LDB2: variants seen among roughly 807,000 people sequenced by gnomAD.
LDB2 encodes the protein LIM domain-binding protein 2.
In LDB2, 12 loss-of-function variants were observed where a neutral mutation model predicts 44.3. The ratio of observed to expected loss-of-function variants is 0.27; its 90% CI spans 0.17 to 0.44. The LOEUF (loss-of-function observed/expected upper bound fraction) is 0.44, where lower values mean the gene tolerates loss of function less well. LDB2 is among the 20% of genes least tolerant of loss of function. The pLI, the probability that LDB2 is intolerant of heterozygous loss-of-function variation, is 1.00. For synonymous variants in LDB2, 164 were observed against 174.8 expected (o/e 0.94, Z 0.49); for missense variants, 344 against 473.5 (o/e 0.73, Z 2.54).
chr4:16,529,575 A>G (rs568168039), intron 5 of LDB2, among the ~76,000 whole-genome samples: 28 of 152,010 alleles, frequency 1.8e-4, no homozygotes, highest in African/African-American at 6.5e-4. Flanking sequence ...TTTGAGAGGG[A>G]TCAGAGATTG....
At chr4:16,686,886 G>C (rs981566601) in intron 2 of LDB2, among the ~76,000 whole-genome samples, 1 of 152,006 alleles carries the variant, frequency 6.6e-6, no homozygotes, top group African/African-American at 2.4e-5. Flanking sequence ...GGTGGGGTTG[G>C]GGGGATCCTT....
chr4:16,746,573 T>C (rs960310315), intron 2 of LDB2, among the ~76,000 whole-genome samples: 6 of 152,082 alleles, frequency 3.9e-5, no homozygotes, highest in Admixed American at 2.0e-4. Flanking sequence ...ACTCACTGGA[T>C]GTCAGGAGTT....
chr4:16,781,562 A>G (rs1479153049), intron 1 of LDB2, among the ~76,000 whole-genome samples: 1 of 151,950 alleles, frequency 6.6e-6, no homozygotes, highest in East Asian at 1.9e-4. Context: ...TATGTGGGTC[A>G]CTCCTCATAC....
chr4:16,614,874 T>C (rs926865071), intron 2 of LDB2, among the ~76,000 whole-genome samples: 1 of 150,276 alleles, frequency 6.7e-6, no homozygotes. Flanking sequence ...ATCGAGACCA[T>C]CCCGGCTAAA....
chr4:16,726,790 AG>A (rs1414501794), intron 2 of LDB2, among the ~76,000 whole-genome samples: 1 of 152,224 alleles, frequency 6.6e-6, no homozygotes, highest in African/African-American at 2.4e-5. Context: ...TTAGAATTAA[AG>A]CTCAGAAAGA....
chr4:16,504,977 C>A (rs1267652920), intron 7 of LDB2, among the ~76,000 whole-genome samples: 1 of 152,032 alleles, frequency 6.6e-6, no homozygotes, highest in East Asian at 1.9e-4. Flanking sequence ...GCATTAGTAT[C>A]GTGACTCCAA....
chr4:16,690,459 C>CAGCA (rs1750359121), intron 2 of LDB2, among the ~76,000 whole-genome samples: 1 of 50,274 alleles, frequency 2.0e-5, no homozygotes, highest in Non-Finnish European at 3.6e-5. Flanking sequence ...GAAGACCCTG[C>CAGCA]AGGAAGGAAG....
chr4:16,517,818 G>A lies in LDB2; in HGVS notation c.616-5714C>T, dbSNP rs115136115. Among the ~76,000 whole-genome samples the A allele has an allele frequency of 5.0e-4, 76 of 152,200 alleles. 1 individual carries two copies. Among genetic ancestry groups the A allele is most frequent in the African/African-American group, 1.8e-3 (75 of 41,524 alleles). On this transcript the variant is annotated intron_variant, in intron 5 of 7. Transcript: ENST00000304523. The stretch of plus-strand genomic sequence containing the variant: ...CTGACCTCTTTTTTCTGGAGATTCT[G>A]GCCCCAACACTGACCCTTTGGTATG...
intron 2 of LDB2, among the ~76,000 whole-genome samples, chr4:16,637,892 G>A (rs1204703796): frequency 2.0e-5 from 3 of 152,136 alleles, no homozygotes; most frequent in African/African-American, 4.8e-5. Context: ...GGGGGCACAG[G>A]GTACTGCATT....
chr4:16,794,970 C>T (rs1279880114), intron 1 of LDB2, among the ~76,000 whole-genome samples: 4 of 152,140 alleles, frequency 2.6e-5, no homozygotes, highest in Admixed American at 1.3e-4. Flanking sequence ...AAACAGTGAG[C>T]GAAAATCCAG....
chr4:16,799,841 C>T (rs1395226894), intron 1 of LDB2, among the ~76,000 whole-genome samples: 1 of 151,898 alleles, frequency 6.6e-6, no homozygotes, highest in Admixed American at 6.6e-5. Context: ...TAAGTATGTC[C>T]GATGCAATAT....
intron 2 of LDB2, among the ~76,000 whole-genome samples, chr4:16,752,907 G>A (rs1010595992): frequency 6.6e-6 from 1 of 151,976 alleles, no homozygotes; most frequent in Non-Finnish European, 1.5e-5. Flanking sequence ...AAGGAGGAAT[G>A]TTTAGGGAAG....
At chr4:16,605,565 C>G (rs1208619528) in intron 2 of LDB2, among the ~76,000 whole-genome samples, 17 of 152,178 alleles carry the variant, frequency 1.1e-4, no homozygotes, top group Admixed American at 1.1e-3. Flanking sequence ...TGAGTTAGAC[C>G]TTACAGAATT....
chr4:16,657,702 A>T (rs1457613180), intron 2 of LDB2, among the ~76,000 whole-genome samples: 2 of 152,066 alleles, frequency 1.3e-5, no homozygotes, highest in Non-Finnish European at 2.9e-5. Flanking sequence ...GGGCCTTCGG[A>T]TTTGCTGTCC....
chr4:16,754,683 C>T (rs1766155384), intron 2 of LDB2, among the ~76,000 whole-genome samples: 1 of 152,068 alleles, frequency 6.6e-6, no homozygotes, highest in Non-Finnish European at 1.5e-5. Context: ...AGACGCATGC[C>T]ACCACGCCCA....
At chr4:16,573,387 C>T (rs139288390) in intron 5 of LDB2, among the ~76,000 whole-genome samples, 41 of 152,144 alleles carry the variant, frequency 2.7e-4, no homozygotes, top group Admixed American at 1.4e-3. Flanking sequence ...CATATGAGCT[C>T]GATAAACCTT....
chr4:16,875,048 G>C (rs1462670530), intron 1 of LDB2, among the ~76,000 whole-genome samples: 1 of 152,196 alleles, frequency 6.6e-6, no homozygotes, highest in Non-Finnish European at 1.5e-5. Context: ...GTCTAGGCAG[G>C]AAGGAAGCTA....
intron 5 of LDB2, among the ~76,000 whole-genome samples, chr4:16,549,281 A>C (rs1199346616): frequency 1.3e-5 from 2 of 152,192 alleles, no homozygotes; most frequent in Non-Finnish European, 2.9e-5. Flanking sequence ...AGTGTCTTCC[A>C]TATAGGAGAC....
Position 16,736,294 on chromosome 4 carries a change from T to C in LDB2, c.235+22864A>G, listed in dbSNP as rs559251343. 3.9e-5 allele frequency among the ~76,000 whole-genome samples: 6 copies of C among 152,298 alleles called. No homozygotes were observed. In the South Asian group the frequency reaches 1.2e-3, roughly 32 times the overall value. The stretch of plus-strand genomic sequence containing the variant: ...CTCCCAGAGGATTACCAAAACAAAG[T>C]CAATGAAACGTCTTCCCAAATAGGG... On this transcript the variant is annotated intron_variant, in intron 2 of 7. Transcript: ENST00000304523.
Sources: allele counts gnomAD v4.1 joint callset (sites outside exome capture counted in the v4.1 genomes callset), GRCh38; gene constraint gnomAD v4.1.1; transcripts MANE v1.5; gene names NCBI Gene and HGNC (gene_info 2026-07-23, HGNC 2026-07-21).